Variants in TRMT2B observed in about 807,000 individuals in gnomAD.
The protein encoded by TRMT2B is tRNA (uracil-5-)-methyltransferase homolog B.
TRMT2B carries 34 observed loss-of-function variants against 39.7 expected under a neutral mutation model. That is an observed-to-expected ratio of 0.86 (90% CI 0.65 to 1.14). The LOEUF (loss-of-function observed/expected upper bound fraction) is 1.14. Among genes scored for constraint, TRMT2B ranks in the 50% most tolerant of loss-of-function variants. The pLI is 0.00. For missense variants in TRMT2B, 318 were observed against 377.2 expected, an observed-to-expected ratio of 0.84 and a Z score of 1.30; for synonymous variants, 132 against 137.3, an observed-to-expected ratio of 0.96 and a Z score of 0.27.
At chrX:101,043,343 G>A (rs973621044) in intron 2 of TRMT2B, among the ~76,000 whole-genome samples, 6 of 111,245 alleles carry the variant, frequency 5.4e-5, no homozygotes, top group African/African-American at 1.6e-4. Context: ...AGGTTGAGGC[G>A]GGCAGATCAC....
chrX:101,023,536 T>G lies in TRMT2B; in HGVS notation c.690A>C (p.Thr230=). Residue 230 remains threonine (T), a synonymous_variant, in exon 8 of 14, where the codon ACA becomes ACC. Transcript: ENST00000372936. ...TGTGCCCTTGGCTATTGGTGCGGAC[T>G]GTGAGCTCACGCCAGTATCCACCTT... The part of the protein sequence containing the change: ...FHEGGYWREL[T]VRTNSQGHTM... The G allele has an allele frequency of 2.5e-6, 3 of 1,211,182 alleles. No homozygotes were observed. The highest frequency in any genetic ancestry group is 3.4e-6 in the Non-Finnish European group (3 of 894,790).
the TRMT2B span, among the ~76,000 whole-genome samples, chrX:100,992,542 C>G: frequency 9.0e-6 from 1 of 111,169 alleles, no homozygotes; most frequent in Non-Finnish European, 1.9e-5. Flanking sequence ...GATTGCACCA[C>G]TGCACTCCAG....
At chrX:101,001,846 C>T in the TRMT2B span, among the ~76,000 whole-genome samples, 195 of 89,977 alleles carry the variant, frequency 2.2e-3, no homozygotes, top group Middle Eastern at 0.03. Flanking sequence ...AAAAAAAAAG[C>T]AGGGGGAAAC....
In TRMT2B at chrX:101,051,877, A is replaced by G; in HGVS notation, c.-567T>C. ...GGTTTGCTGCGGCGGGGAAACAGTC[A>G]CTTCCTGGTGCGCAAGGCGCCTCTA... On this transcript the variant is annotated 5_prime_UTR_variant, in exon 1 of 14. Transcript: ENST00000372936. The G allele has an allele frequency of 4.7e-6, 1 of 210,731 alleles. No homozygotes were observed. Among genetic ancestry groups the G allele is most frequent in the Non-Finnish European group, 7.0e-6 (1 of 142,264 alleles). 17.4% of individuals were successfully genotyped at this position (210,731 alleles called of 1,213,427 possible).
At chrX:101,037,817 G>C in intron 5 of TRMT2B, 100 bp downstream of exon 5, 12 of 840,980 alleles carry the variant, frequency 1.4e-5, no homozygotes, top group Admixed American at 6.1e-5. Context: ...TAATAATTTA[G>C]CATAGGGCCT....
chrX:101,020,209 CTTCTA>C (rs1487224653), intron 11 of TRMT2B, among the ~76,000 whole-genome samples: 1 of 111,811 alleles, frequency 8.9e-6, no homozygotes. Flanking sequence ...GGAGATTCTT[CTTCTA>C]TTCTGTCCAA....
chrX:100,998,117 G>A, the TRMT2B span, among the ~76,000 whole-genome samples: 3 of 108,710 alleles, frequency 2.8e-5, no homozygotes, highest in South Asian at 4.1e-4. Flanking sequence ...AAAATTAGCC[G>A]GGCGTGGTGG....
chrX:100,988,595 A>G, the TRMT2B span: 1 of 911,628 alleles, frequency 1.1e-6, no homozygotes, highest in South Asian at 2.8e-5. Context: ...GAAAATTTAC[A>G]TAGGCCTTCC....
the TRMT2B span, among the ~76,000 whole-genome samples, chrX:100,976,393 G>A: frequency 2.7e-5 from 3 of 110,619 alleles, no homozygotes; most frequent in African/African-American, 9.9e-5. Context: ...AACTTGCCCT[G>A]TGCTCAGTGA....
the TRMT2B span, among the ~76,000 whole-genome samples, chrX:100,992,000 A>C: frequency 9.0e-6 from 1 of 111,446 alleles, no homozygotes; most frequent in Non-Finnish European, 1.9e-5. Flanking sequence ...TAGGGTGACT[A>C]TAATCATCTA....
At chrX:101,042,340 T>C in intron 2 of TRMT2B, 28 bp from the exon 3 acceptor site, 3 of 1,173,415 alleles carry the variant, frequency 2.6e-6, no homozygotes, top group Non-Finnish European at 3.4e-6. Context: ...ATACAGAGGT[T>C]GGGAAATAGA....
chrX:101,015,195 A>G (rs1267518125), intron 13 of TRMT2B, among the ~76,000 whole-genome samples: 1 of 111,504 alleles, frequency 9.0e-6, no homozygotes, highest in Non-Finnish European at 1.9e-5. Context: ...TTTTCCTGTT[A>G]AATATTGCAA....
intron 2 of TRMT2B, among the ~76,000 whole-genome samples, chrX:101,049,794 A>C (rs1398800754): frequency 9.0e-6 from 1 of 110,910 alleles, no homozygotes; most frequent in Non-Finnish European, 1.9e-5. Context: ...AAAAAAAAAA[A>C]AAAAAGTGTG....
chrX:101,036,352 G>A (rs2087833847), intron 6 of TRMT2B, among the ~76,000 whole-genome samples: 1 of 106,773 alleles, frequency 9.4e-6, no homozygotes. Flanking sequence ...GGCTCAGACA[G>A]GAGAATCACT....
At chrX:101,037,830 T>A in intron 5 of TRMT2B, 87 bp downstream of exon 5, 1 of 962,252 alleles carries the variant, frequency 1.0e-6, no homozygotes, top group African/African-American at 1.9e-5. Context: ...TAGGGCCTGG[T>A]CCCTAGCAAG....
intron 7 of TRMT2B, among the ~76,000 whole-genome samples, chrX:101,027,112 A>G (rs1455231048): frequency 3.6e-5 from 4 of 111,466 alleles, no homozygotes; most frequent in Non-Finnish European, 5.7e-5. Context: ...ATGAAATCCA[A>G]TGGTCCACTC....
intron 6 of TRMT2B, 147 bp downstream of exon 6, chrX:101,036,827 C>T: frequency 4.2e-6 from 2 of 471,544 alleles, no homozygotes; most frequent in South Asian, 3.2e-5. Context: ...TAGCAGTATC[C>T]GTAATCAACC....
At chrX:101,044,833 C>A (rs2088512400) in intron 2 of TRMT2B, among the ~76,000 whole-genome samples, 1 of 62,617 alleles carries the variant, frequency 1.6e-5, no homozygotes, top group Non-Finnish European at 2.8e-5. Context: ...GAGTGAAACT[C>A]GGTCTCAAAA....
intron 7 of TRMT2B, among the ~76,000 whole-genome samples, chrX:101,032,506 G>GC (rs748207249): frequency 0.016 from 1,652 of 101,245 alleles, 10 homozygotes; most frequent in Non-Finnish European, 0.025. Context: ...AGAATTGCTT[G>GC]AACCCGGGAG....
Sources: allele counts gnomAD v4.1 joint callset (sites outside exome capture counted in the v4.1 genomes callset), GRCh38; gene constraint gnomAD v4.1.1; transcripts MANE v1.5; gene names NCBI Gene and HGNC (gene_info 2026-07-23, HGNC 2026-07-21).